XKR9: variants seen among roughly 807,000 people sequenced by gnomAD.
XKR9 encodes the protein XK-related protein 9.
In XKR9, 32 loss-of-function variants were observed where a neutral mutation model predicts 32.0. The ratio of observed to expected loss-of-function variants is 1.00; its 90% CI spans 0.76 to 1.34. XKR9 has a LOEUF of 1.34. Ranked by LOEUF, XKR9 falls within the 40% of genes most tolerant of loss-of-function variation. XKR9 has a pLI of 0.00. For missense variants in XKR9, 546 were observed against 429.7 expected (o/e 1.27, Z -2.39); for synonymous variants, 168 against 143.4 (o/e 1.17, Z -1.22).
intron 2 of XKR9, among the ~76,000 whole-genome samples, chr8:70,756,965 T>C (rs1456914685): frequency 1.3e-5 from 2 of 152,234 alleles, no homozygotes; most frequent in African/African-American, 4.8e-5. Flanking sequence ...CTAACTATGA[T>C]GTTAACTGTG....
chr8:70,743,751 C>G (rs1002347852), intron 2 of XKR9, among the ~76,000 whole-genome samples: 3 of 152,000 alleles, frequency 2.0e-5, no homozygotes, highest in Non-Finnish European at 4.4e-5. Context: ...TTGTGATCAC[C>G]ACATACTCTG....
At chr8:70,763,778 T>C (rs1286425836) in intron 2 of XKR9, among the ~76,000 whole-genome samples, 2 of 152,216 alleles carry the variant, frequency 1.3e-5, no homozygotes, top group Non-Finnish European at 2.9e-5. Context: ...ATTATTCAAA[T>C]GTACTGGTGG....
At chr8:70,809,198 C>T in the XKR9 span, among the ~76,000 whole-genome samples, 1 of 152,162 alleles carries the variant, frequency 6.6e-6, no homozygotes, top group Non-Finnish European at 1.5e-5. Flanking sequence ...CTGGAGTGGA[C>T]CTCCAGCAAA....
chr8:70,956,078 G>A, the XKR9 span, among the ~76,000 whole-genome samples: 2 of 152,116 alleles, frequency 1.3e-5, no homozygotes, highest in Non-Finnish European at 2.9e-5. Flanking sequence ...CCTTCTCATC[G>A]CTTGCAACAT....
chr8:70,760,212 T>A (rs1472495198), intron 2 of XKR9, among the ~76,000 whole-genome samples: 1 of 152,178 alleles, frequency 6.6e-6, no homozygotes, highest in Non-Finnish European at 1.5e-5. Context: ...TACTCGTAAG[T>A]AAGAATAAAA....
chr8:70,705,307 T>A (rs1191530765), intron 3 of XKR9, among the ~76,000 whole-genome samples: 7 of 152,176 alleles, frequency 4.6e-5, no homozygotes, highest in African/African-American at 1.7e-4. Context: ...GATTACACTC[T>A]TGTGAGAAGG....
the XKR9 span, among the ~76,000 whole-genome samples, chr8:71,033,229 A>G: frequency 6.6e-6 from 1 of 152,216 alleles, no homozygotes; most frequent in South Asian, 2.1e-4. Flanking sequence ...AGACTCCCCC[A>G]CTACCAGTGT....
rs759636267 is a variant in XKR9 at position 70,733,838 on chromosome 8, C to G, written c.536C>G (p.Thr179Ser). The G allele has an allele frequency of 6.9e-6, 11 of 1,598,060 alleles. No homozygotes were observed. The Admixed American group carries it at 1.6e-4, about 23-fold the overall frequency. ...MVSCCAISWSTVDYQVALRKS... is the reference protein window; with the variant it reads ...MVSCCAISWSSVDYQVALRKS... ...TCTTGCTGTGCTATTTCTTGGTCAA[C>G]TGTTGATTATCAAGTAGCTTTAAGA... is the stretch of plus-strand genomic sequence containing the variant. The change falls in exon 5 of 5, where the codon ACT becomes AGT. Residue 179 changes from threonine (T) to serine (S), a missense_variant. Thr to Ser is a moderately conservative substitution (Grantham distance 58). Coordinates refer to ENST00000408926, the MANE Select transcript of XKR9 (RefSeq NM_001011720.2).
At chr8:70,823,220 G>A in the XKR9 span, among the ~76,000 whole-genome samples, 3 of 152,286 alleles carry the variant, frequency 2.0e-5, no homozygotes, top group African/African-American at 7.2e-5. Flanking sequence ...CTGTAACTTA[G>A]ATATCTGACA....
At chr8:70,683,709 A>C in intron 3 of XKR9, 1 of 334,556 alleles carries the variant, frequency 3.0e-6, no homozygotes, top group South Asian at 2.2e-5. Context: ...GCTGGTCTCG[A>C]ACTCCTGACC....
intron 2 of XKR9, among the ~76,000 whole-genome samples, chr8:70,784,882 T>A (rs1807662662): frequency 6.6e-6 from 1 of 151,938 alleles, no homozygotes. Flanking sequence ...TATACCTAAT[T>A]TGGTGAGATT....
chr8:70,909,703 CTTTTTTTTTTTTT>C, the XKR9 span, among the ~76,000 whole-genome samples: 2 of 91,206 alleles, frequency 2.2e-5, no homozygotes, highest in African/African-American at 8.2e-5. Flanking sequence ...TCGATTTATC[CTTTTTTTTTTTTT>C]TTTTTTTTTT....
At chr8:70,930,125 T>A in the XKR9 span, among the ~76,000 whole-genome samples, 1 of 152,206 alleles carries the variant, frequency 6.6e-6, no homozygotes, top group South Asian at 2.1e-4. Flanking sequence ...TTTTTTCTGT[T>A]CTCAAAAATC....
downstream of XKR9, among the ~76,000 whole-genome samples, chr8:70,739,669 A>G (rs1411464921): frequency 2.0e-5 from 3 of 152,090 alleles, no homozygotes; most frequent in African/African-American, 7.3e-5. Flanking sequence ...CTTGGTGGTG[A>G]CAAAATCTCT....
At chr8:70,960,979 G>A in the XKR9 span, among the ~76,000 whole-genome samples, 1 of 152,152 alleles carries the variant, frequency 6.6e-6, no homozygotes, top group Non-Finnish European at 1.5e-5. Flanking sequence ...AGACCAGCCT[G>A]GCCAACATGG....
At chr8:70,937,979 A>C in the XKR9 span, among the ~76,000 whole-genome samples, 1 of 152,076 alleles carries the variant, frequency 6.6e-6, no homozygotes, top group Non-Finnish European at 1.5e-5. Flanking sequence ...TAGACCACAG[A>C]GGGATGGGTT....
At chr8:70,934,066 T>C in the XKR9 span, among the ~76,000 whole-genome samples, 1 of 152,046 alleles carries the variant, frequency 6.6e-6, no homozygotes, top group Non-Finnish European at 1.5e-5. Flanking sequence ...TTGATAAACA[T>C]ATTAGTTTGC....
At chr8:70,946,017 C>G in the XKR9 span, among the ~76,000 whole-genome samples, 1 of 152,132 alleles carries the variant, frequency 6.6e-6, no homozygotes, top group African/African-American at 2.4e-5. Flanking sequence ...CGCCTGTAGT[C>G]CCAGCTACTC....
the XKR9 span, among the ~76,000 whole-genome samples, chr8:70,986,590 A>G: frequency 1.3e-5 from 2 of 152,202 alleles, no homozygotes; most frequent in Non-Finnish European, 2.9e-5. Context: ...CAGACTTTTG[A>G]ACTGAAAGGG....
Sources: gnomAD v4.1 joint callset for allele counts (sites outside exome capture counted in the v4.1 genomes callset) on GRCh38, gnomAD v4.1.1 for gene constraint, MANE v1.5 for transcripts, NCBI Gene and HGNC (gene_info 2026-07-23, HGNC 2026-07-21) for gene names.